FCER1G: variants seen among roughly 807,000 people sequenced by gnomAD.
FCER1G encodes the protein Fc epsilon receptor Ig.
Under a neutral mutation model 17.3 loss-of-function variants are expected in FCER1G, and 7 were observed. The ratio of observed to expected loss-of-function variants is 0.40; its 90% CI spans 0.23 to 0.76. FCER1G has a LOEUF of 0.76. Ranked by LOEUF, FCER1G falls within the 30% of genes least tolerant of loss-of-function variation. The probability of loss-of-function intolerance (pLI) is 0.35; values close to 1 mark genes in which losing one functional copy is unlikely to be tolerated. For missense variants in FCER1G, 87 were observed against 97.7 expected (o/e 0.89, Z 0.46); for synonymous variants, 35 against 38.7 (o/e 0.90, Z 0.35).
intron 1 of FCER1G, among the ~76,000 whole-genome samples, chr1:161,216,519 C>T: frequency 6.6e-6 from 1 of 151,636 alleles, no homozygotes; most frequent in East Asian, 1.9e-4. Context: ...CCAAGACAAA[C>T]AGACGGGATT....
chr1:161,216,409 C>T (rs866573442), intron 1 of FCER1G, among the ~76,000 whole-genome samples: 20 of 141,898 alleles, frequency 1.4e-4, no homozygotes, highest in South Asian at 4.6e-4. Context: ...CACACACACA[C>T]ACATATATAT....
chr1:161,215,976 C>T (rs758648328), intron 1 of FCER1G, among the ~76,000 whole-genome samples: 6 of 152,074 alleles, frequency 3.9e-5, no homozygotes, highest in Non-Finnish European at 8.8e-5. Flanking sequence ...TCTCCCACCT[C>T]GGCCTCCCAA....
intron 1 of FCER1G, among the ~76,000 whole-genome samples, chr1:161,215,591 GTAT>G (rs977880066): frequency 2.0e-5 from 3 of 151,776 alleles, no homozygotes; most frequent in African/African-American, 4.8e-5. Context: ...ACTTTTCTCC[GTAT>G]TATTATTATT....
chr1:161,217,228 T>G (rs1433490504), intron 1 of FCER1G, among the ~76,000 whole-genome samples: 6 of 152,110 alleles, frequency 3.9e-5, no homozygotes, highest in Non-Finnish European at 1.5e-5. Context: ...AGACTTGATT[T>G]GATTTTTTAA....
rs1419418387 is a variant in FCER1G at position 161,219,189 on chromosome 1, C to T, written c.*246C>T. ...CCACCCTTCTTCTCTTCCCCATTCC[C>T]AACTCCAGCTAAAATATGGGAAGGG... On this transcript the variant is annotated 3_prime_UTR_variant, in exon 5 of 5. Transcript: ENST00000289902. 5.7e-6 allele frequency: 3 copies of T among 527,454 alleles called. No individual in the cohort carries two copies. The highest frequency in any genetic ancestry group is 3.2e-5 in the East Asian group (1 of 30,980). 32.7% of individuals were successfully genotyped at this position (527,454 alleles called of 1,614,324 possible). A position where few individuals can be genotyped will look rare whatever the true frequency, so the allele number is the denominator to read the frequency against.
At chr1:161,218,595 C>T (rs1430212069) in intron 3 of FCER1G, 108 bp from the exon 4 acceptor site, 1 of 1,160,690 alleles carries the variant, frequency 8.6e-7, no homozygotes, top group Non-Finnish European at 1.3e-6. Flanking sequence ...GCCCTCTAGC[C>T]CAAGGTGGCT....
At position 161,218,925 on chromosome 1, in the gene FCER1G, T is replaced by TTCTC. The variant is rs776819597; in HGVS notation, c.243_244insTCTC (p.Glu82SerfsTer11). On this transcript the variant is annotated frameshift_variant, in exon 5 of 5. Transcript: ENST00000289902. LOFTEE classifies it high-confidence loss of function. Reference sequence around the variant, plus strand: ...AGGAGACTTACGAGACTCTGAAGCATGAGAAACCACCACAGTAGCTTTAGA... The same window carrying TTCTC: ...AGGAGACTTACGAGACTCTGAAGCATTCTCGAGAAACCACCACAGTAGCTTTAGA... 4.3e-6 allele frequency: 7 copies of TTCTC among 1,612,496 alleles called. No individual in the cohort carries two copies. The African/African-American group carries it at 9.3e-5, about 22-fold the overall frequency.
At position 161,218,394 on chromosome 1, in the gene FCER1G, C is replaced by G. The variant is rs1666092424; in HGVS notation, c.177+118C>G. Reference sequence around the variant, plus strand: ...TGCCTCTCAGGTGCTGATCTGCATACACCTCAGAGGCCTCCCTCCCACCTT... The same window carrying G: ...TGCCTCTCAGGTGCTGATCTGCATAGACCTCAGAGGCCTCCCTCCCACCTT... On this transcript the variant is annotated intron_variant, in intron 3 of 4. Transcript: ENST00000289902. 1.9e-5 allele frequency: 16 copies of G among 855,060 alleles called. No homozygotes were observed. The South Asian group carries it at 2.2e-4, about 12-fold the overall frequency. The allele number at this position is 855,060 out of a possible 1,614,324, so 53.0% of individuals were successfully genotyped here. A position where few individuals can be genotyped will look rare whatever the true frequency, so the allele number is the denominator to read the frequency against.
chr1:161,218,590 CTAGCCCAAGG>C (rs1666097310), intron 3 of FCER1G, 103 bp from the exon 4 acceptor site: 1 of 1,101,992 alleles, frequency 9.1e-7, no homozygotes, highest in African/African-American at 1.5e-5. Context: ...TGAGTGCCCT[CTAGCCCAAGG>C]TGGCTGGCTG....
chr1:161,216,511 A>C (rs1435780948), intron 1 of FCER1G, among the ~76,000 whole-genome samples: 1 of 151,890 alleles, frequency 6.6e-6, no homozygotes, highest in Non-Finnish European at 1.5e-5. Context: ...GGATATAGCC[A>C]AGACAAACAG....
rs764102612 is a variant in FCER1G, at chr1:161,218,685, C to T, written c.178-18C>T. On this transcript the variant is annotated intron_variant, in intron 3 of 4. Coordinates refer to ENST00000289902, the MANE Select transcript of FCER1G (RefSeq NM_004106.2). Reference sequence around the variant, plus strand: ...GAAAGTGTGGGTCTTTAATGTTTTGCTTCTTTTGTCTCTGCAGAAATCAGA... The same window carrying T: ...GAAAGTGTGGGTCTTTAATGTTTTGTTTCTTTTGTCTCTGCAGAAATCAGA... 6.2e-7 allele frequency: 1 copy of T among 1,613,926 alleles called. No individual in the cohort carries two copies. Among genetic ancestry groups the T allele is most frequent in the Non-Finnish European group, 8.5e-7 (1 of 1,179,856 alleles).
In FCER1G at chr1:161,218,959, G is replaced by A. The variant is rs769725948; in HGVS notation, c.*16G>A. ...ACCACAGTAGCTTTAGAATAGATGC[G>A]GTCATATTCTTCTTTGGCTTCTGGT... On this transcript the variant is annotated 3_prime_UTR_variant, in exon 5 of 5. Coordinates refer to ENST00000289902, the MANE Select transcript of FCER1G (RefSeq NM_004106.2). The A allele has an allele frequency of 2.7e-5, 44 of 1,602,902 alleles. No individual in the cohort carries two copies. Among genetic ancestry groups the A allele is most frequent in the Admixed American group, 3.3e-5 (2 of 59,948 alleles).
intron 1 of FCER1G, among the ~76,000 whole-genome samples, chr1:161,217,386 T>C (rs894234493): frequency 1.1e-5 from 1 of 91,030 alleles, no homozygotes; most frequent in East Asian, 5.7e-4. Context: ...ACAGACACAC[T>C]TTTTTTTTTT....
Position 161,219,016 on chromosome 1 carries a change from G to T in FCER1G, c.*73G>T. On this transcript the variant is annotated 3_prime_UTR_variant, in exon 5 of 5. Transcript: ENST00000289902. ...AGCCCTCATGGTTGGCATCACATAT[G>T]CCTGCATGCCATTAACACCAGCTGG... The T allele has an allele frequency of 8.7e-7, 1 of 1,145,418 alleles. No individual in the cohort carries two copies. Among genetic ancestry groups the T allele is most frequent in the Non-Finnish European group, 1.3e-6 (1 of 754,464 alleles). 71.0% of individuals were successfully genotyped at this position (1,145,418 alleles called of 1,614,324 possible). A position where few individuals can be genotyped will look rare whatever the true frequency, so the allele number is the denominator to read the frequency against.
chr1:161,218,256 G>A lies in FCER1G; in HGVS notation c.157G>A (p.Ala53Thr). ...YCRLKIQVRKAAITSYEKSDG... is the reference protein window; with the variant it reads ...YCRLKIQVRKTAITSYEKSDG... ...CCCATTCCAGATCCAAGTGCGAAAG[G>A]CAGCTATAACCAGCTATGAGGTATG... is the stretch of plus-strand genomic sequence containing the variant. Residue 53 changes from alanine to threonine, a missense_variant, in exon 3 of 5, where the codon GCA becomes ACA. Transcript: ENST00000289902. 1.9e-6 allele frequency: 3 copies of A among 1,613,942 alleles called. No individual in the cohort carries two copies. Among genetic ancestry groups the A allele is most frequent in the Non-Finnish European group, 2.5e-6 (3 of 1,179,818 alleles).
At chr1:161,215,653 C>T (rs1025906705) in intron 1 of FCER1G, among the ~76,000 whole-genome samples, 3 of 152,006 alleles carry the variant, frequency 2.0e-5, no homozygotes, top group South Asian at 2.1e-4. Flanking sequence ...AGTGCAGTGG[C>T]GCAATCTCTA....
intron 2 of FCER1G, 58 bp from the exon 3 acceptor site, chr1:161,218,183 A>C: frequency 6.4e-7 from 1 of 1,563,122 alleles, no homozygotes; most frequent in Non-Finnish European, 8.8e-7. Context: ...CAAAGTTTGG[A>C]GGGAAGGGGG....
In FCER1G at chr1:161,218,091, G is replaced by C. The variant is rs755624701; in HGVS notation, c.141+14G>C. 4 of 1,605,396 alleles carry C rather than the reference G, an allele frequency of 2.5e-6. No individual in the cohort carries two copies. Among genetic ancestry groups the C allele is most frequent in the Non-Finnish European group, 3.4e-6 (4 of 1,172,102 alleles). ...TGTCGACTGAAGGTAGCGCTGGGCA[G>C]GGTGGGGTAAGGGCTGGAAGGGGAA... is the stretch of plus-strand genomic sequence containing the variant. On this transcript the variant is annotated intron_variant, in intron 2 of 4. Coordinates refer to ENST00000289902, the MANE Select transcript of FCER1G (RefSeq NM_004106.2).
Position 161,219,220 on chromosome 1 carries a change from C to G in FCER1G, c.*277C>G. The G allele has an allele frequency of 6.0e-6, 3 of 497,444 alleles. No homozygotes were observed. The highest frequency in any genetic ancestry group is 1.1e-5 in the Non-Finnish European group (3 of 278,560). 30.8% of individuals were successfully genotyped at this position (497,444 alleles called of 1,614,324 possible). On this transcript the variant is annotated 3_prime_UTR_variant, in exon 5 of 5. Transcript: ENST00000289902. Reference sequence around the variant, plus strand: ...CAGCTAAAATATGGGAAGGGAGAACCCCCAATAAAACTGCCATGGACTGGA... The same window carrying G: ...CAGCTAAAATATGGGAAGGGAGAACGCCCAATAAAACTGCCATGGACTGGA...
Sources: allele counts gnomAD v4.1 joint callset (sites outside exome capture counted in the v4.1 genomes callset), GRCh38; gene constraint gnomAD v4.1.1; transcripts MANE v1.5; gene names NCBI Gene and HGNC (gene_info 2026-07-23, HGNC 2026-07-21).